TTC7A: variants seen among roughly 807,000 people sequenced by gnomAD.
The protein encoded by TTC7A is tetratricopeptide repeat protein 7A.
TTC7A carries 110 observed loss-of-function variants against 103.7 expected under a neutral mutation model. That is an observed-to-expected ratio of 1.06 (90% CI 0.91 to 1.24). The LOEUF is 1.24. TTC7A is among the 50% of genes most tolerant of loss of function. The probability of loss-of-function intolerance (pLI) is 0.00; values close to 1 mark genes in which losing one functional copy is unlikely to be tolerated. For synonymous variants in TTC7A, 521 were observed against 467.9 expected (o/e 1.11, Z -1.47); for missense variants, 1,340 against 1,116.3 (o/e 1.20, Z -2.86).
intron 15 of TTC7A, among the ~76,000 whole-genome samples, chr2:47,037,921 A>T (rs1681287387): frequency 6.6e-6 from 1 of 152,194 alleles, no homozygotes; most frequent in African/African-American, 2.4e-5. Context: ...TCCTCAGGGT[A>T]AATAGACGCT....
At chr2:46,919,551 C>T (rs377020479) in intron 2 of TTC7A, among the ~76,000 whole-genome samples, 21 of 152,184 alleles carry the variant, frequency 1.4e-4, no homozygotes, top group African/African-American at 4.8e-4. Context: ...ATAAATAAGA[C>T]TTTAGGTAAG....
At chr2:46,961,214 A>C (rs1442896322) in intron 3 of TTC7A, among the ~76,000 whole-genome samples, 1 of 152,212 alleles carries the variant, frequency 6.6e-6, no homozygotes, top group Admixed American at 6.5e-5. Flanking sequence ...ATATATATTC[A>C]GATGAAACAG....
chr2:47,018,377 G>A (rs1472969746), intron 11 of TTC7A, among the ~76,000 whole-genome samples: 1 of 151,706 alleles, frequency 6.6e-6, no homozygotes, highest in African/African-American at 2.4e-5. Context: ...GAGCTCAGGA[G>A]TTCGAGACCA....
At chr2:47,045,865 ACTGT>A (rs1201517448) in intron 15 of TTC7A, among the ~76,000 whole-genome samples, 1 of 152,148 alleles carries the variant, frequency 6.6e-6, no homozygotes, top group Non-Finnish European at 1.5e-5. Context: ...ATTCTAAGTC[ACTGT>A]CTGGATGGGT....
intron 11 of TTC7A, 39 bp from the exon 12 acceptor site, chr2:47,021,823 C>T (rs1679318502): frequency 6.4e-7 from 1 of 1,567,676 alleles, no homozygotes; most frequent in Non-Finnish European, 8.8e-7. Flanking sequence ...GAGGAAACTC[C>T]AACCCCACCT....
intron 15 of TTC7A, chr2:47,040,404 G>A (rs1681608592): frequency 6.6e-6 from 1 of 152,268 alleles, no homozygotes; most frequent in Non-Finnish European, 1.5e-5. Flanking sequence ...GCGTGGCAAG[G>A]GCGTTCGGCC....
Position 47,046,296 on chromosome 2 carries a change from C to A in TTC7A, c.1803-19C>A. On this transcript the variant is annotated intron_variant, in intron 15 of 19. Transcript: ENST00000319190. ...GGCCCTTGCTGGGGTGTGCTGATGG[C>A]CACTCTCCGTCCCCACAGCCTGATG... The A allele has an allele frequency of 6.2e-7, 1 of 1,602,526 alleles. No homozygotes were observed. The highest frequency in any genetic ancestry group is 8.5e-7 in the Non-Finnish European group (1 of 1,170,436).
At chr2:46,953,529 C>T (rs979074876) in intron 2 of TTC7A, among the ~76,000 whole-genome samples, 1 of 152,220 alleles carries the variant, frequency 6.6e-6, no homozygotes, top group Non-Finnish European at 1.5e-5. Flanking sequence ...GCAGCTGATG[C>T]AGTCTCAGGT....
At position 46,956,627 on chromosome 2, in the gene TTC7A, A is replaced by G. The variant is rs1671877989; in HGVS notation, c.349-212A>G. ...ACACATGAAACAATTAGGGACTCATAGGAGAATTTTATTGAGAACCACAAT... is the reference window on the plus strand; with the variant it reads ...ACACATGAAACAATTAGGGACTCATGGGAGAATTTTATTGAGAACCACAAT... On this transcript the variant is annotated intron_variant, in intron 2 of 19. Coordinates refer to ENST00000319190, the MANE Select transcript of TTC7A (RefSeq NM_020458.4). 1.7e-5 allele frequency: 10 copies of G among 583,520 alleles called. No homozygotes were observed. In the South Asian group the frequency reaches 1.9e-4, roughly 11 times the overall value. 36.1% of individuals were successfully genotyped at this position (583,520 alleles called of 1,614,324 possible).
intron 15 of TTC7A, among the ~76,000 whole-genome samples, chr2:47,036,217 G>A (rs754681868): frequency 1.3e-5 from 2 of 152,214 alleles, no homozygotes; most frequent in Non-Finnish European, 2.9e-5. Context: ...CAGGGTAGGG[G>A]CAGGCTGCTC....
In TTC7A at chr2:47,005,928, C is replaced by G; in HGVS notation, c.1072C>G (p.Arg358Gly). 3.1e-6 allele frequency: 5 copies of G among 1,614,134 alleles called. No homozygotes were observed. In the South Asian group the frequency reaches 5.5e-5, roughly 18 times the overall value. Residue 358 changes from arginine to glycine, a missense_variant, in exon 9 of 20, where the codon CGA becomes GGA. Transcript: ENST00000319190. ...LLLISESMAT[R>G]DVVLSRVPEQ... ...AACAATGTCCCACCCACAGGCAACT[C>G]GAGATGTGGTGCTGAGCCGGGTGCC...
At chr2:46,974,895 C>A (rs559303523) in intron 3 of TTC7A, 78 bp from the exon 4 acceptor site, 1 of 1,567,108 alleles carries the variant, frequency 6.4e-7, no homozygotes, top group Non-Finnish European at 8.7e-7. Flanking sequence ...CGGATGAGCC[C>A]ACCTTCGGCC....
intron 11 of TTC7A, among the ~76,000 whole-genome samples, chr2:47,021,265 A>G (rs916124635): frequency 3.3e-5 from 5 of 152,118 alleles, no homozygotes; most frequent in African/African-American, 9.7e-5. Flanking sequence ...CCTGACTCCT[A>G]TGGGGGCCCA....
chr2:46,976,445 G>C lies in TTC7A; in HGVS notation c.648+1342G>C, dbSNP rs560813954. Among the ~76,000 whole-genome samples, 8 of 152,344 alleles carry C rather than the reference G, an allele frequency of 5.3e-5. No individual in the cohort carries two copies. In the South Asian group the frequency reaches 1.7e-3, roughly 32 times the overall value. On this transcript the variant is annotated intron_variant, in intron 4 of 19. Coordinates refer to ENST00000319190, the MANE Select transcript of TTC7A (RefSeq NM_020458.4). Reference sequence around the variant, plus strand: ...AAGGTTCTAGAGCAGCATAGATTAGGATTGGTGCCCTGAAGGAGGAGGTGG... The same window carrying C: ...AAGGTTCTAGAGCAGCATAGATTAGCATTGGTGCCCTGAAGGAGGAGGTGG...
At chr2:47,005,492 G>A (rs1677279990) in intron 8 of TTC7A, among the ~76,000 whole-genome samples, 1 of 152,194 alleles carries the variant, frequency 6.6e-6, no homozygotes, top group Admixed American at 6.5e-5. Context: ...AAGGTGGAGG[G>A]CCGCTTCCAG....
At chr2:47,006,454 G>C (rs1677399036) in intron 9 of TTC7A, among the ~76,000 whole-genome samples, 187 bp from the exon 10 acceptor site, 1 of 152,236 alleles carries the variant, frequency 6.6e-6, no homozygotes, top group Non-Finnish European at 1.5e-5. Flanking sequence ...TGAGAGACTT[G>C]AGTAGGGTCA....
At chr2:46,922,722 C>A (rs924439613) in intron 2 of TTC7A, among the ~76,000 whole-genome samples, 1 of 152,110 alleles carries the variant, frequency 6.6e-6, no homozygotes. Context: ...GACATCTCTA[C>A]CAAAATGTGG....
At chr2:47,010,265 A>G (rs1230205721) in intron 10 of TTC7A, among the ~76,000 whole-genome samples, 2 of 152,166 alleles carry the variant, frequency 1.3e-5, no homozygotes, top group East Asian at 1.9e-4. Flanking sequence ...CCACTCTGCT[A>G]CTGTATCAGG....
intron 8 of TTC7A, among the ~76,000 whole-genome samples, chr2:47,001,460 G>A (rs1355254211): frequency 6.6e-6 from 1 of 152,188 alleles, no homozygotes; most frequent in Non-Finnish European, 1.5e-5. Context: ...CTGGGGCTCA[G>A]TGTCCTCATC....
Sources: allele counts gnomAD v4.1 joint callset (sites outside exome capture counted in the v4.1 genomes callset), GRCh38; gene constraint gnomAD v4.1.1; transcripts MANE v1.5; gene names NCBI Gene and HGNC (gene_info 2026-07-23, HGNC 2026-07-21).